Variants in CR2 observed in about 807,000 individuals in gnomAD.
CR2 encodes the protein complement C3d receptor 2.
A neutral mutation model predicts 123.0 loss-of-function variants in CR2; 96 were observed. That is an observed-to-expected ratio of 0.78 (90% CI 0.66 to 0.93). The LOEUF (loss-of-function observed/expected upper bound fraction) is 0.93, where lower values mean the gene tolerates loss of function less well. Among genes scored for constraint, CR2 ranks in the 40% least tolerant of loss-of-function variants. CR2 has a pLI of 0.00. For synonymous variants in CR2, 484 were observed against 469.5 expected, an observed-to-expected ratio of 1.03 and a Z score of -0.40; for missense variants, 1,258 against 1,361.0, an observed-to-expected ratio of 0.92 and a Z score of 1.19.
chr1:207,475,449 A>C (rs1018956642), intron 14 of CR2, among the ~76,000 whole-genome samples: 3 of 152,234 alleles, frequency 2.0e-5, no homozygotes, highest in African/African-American at 7.2e-5. Flanking sequence ...GCTAACTTCC[A>C]AATTGATAGC....
intron 1 of CR2, among the ~76,000 whole-genome samples, chr1:207,455,695 T>C (rs963204385): frequency 6.6e-6 from 1 of 152,238 alleles, no homozygotes; most frequent in African/African-American, 2.4e-5. Flanking sequence ...TTTGAACAAA[T>C]GTATATTCAC....
chr1:207,468,935 T>G, intron 4 of CR2, 36 bp downstream of exon 4: 1 of 1,603,738 alleles, frequency 6.2e-7, no homozygotes, highest in Non-Finnish European at 8.5e-7. Context: ...TTTAATTCAT[T>G]TGTCTTGTGT....
rs1658219985 is a variant in CR2, at chr1:207,469,990, T to G, written c.1113T>G (p.Tyr371Ter). Residue 371 changes from tyrosine (Y) to a stop codon, truncating the protein, a stop_gained, in exon 6 of 20, where the codon TAT becomes TAG. Coordinates refer to ENST00000367057, the MANE Select transcript of CR2 (RefSeq NM_001006658.3). LOFTEE classifies it high-confidence loss of function. ...CTGGGCAGAAAGATCGATATACCTA[T>G]AACGACACTGTGATATTTGCTTGCA... is the stretch of plus-strand genomic sequence containing the variant. ...MVSGQKDRYTYNDTVIFACMF... is the reference protein window; with the variant it reads ...MVSGQKDRYT 6.2e-7 allele frequency: 1 copy of G among 1,613,836 alleles called. No homozygotes were observed. Among genetic ancestry groups the G allele is most frequent in the African/African-American group, 1.3e-5 (1 of 74,866 alleles).
At chr1:207,460,939 A>C in intron 1 of CR2, among the ~76,000 whole-genome samples, 1 of 152,254 alleles carries the variant, frequency 6.6e-6, no homozygotes, top group Admixed American at 6.5e-5. Flanking sequence ...TTAACGGTTT[A>C]ATAGCTAAGA....
Position 207,472,767 on chromosome 1 carries a change from TC to T in CR2, c.1571-4del, listed in dbSNP as rs1357019803. On this transcript the variant is annotated splice_region_variant and splice_polypyrimidine_tract_variant and intron_variant, in intron 9 of 19. Coordinates refer to ENST00000367057, the MANE Select transcript of CR2 (RefSeq NM_001006658.3). ...CAATTCTACAGTATCTTTTCATCTC[TC>T]TAGAAATCACCTGCCCACCACCCCC... The T allele has an allele frequency of 1.2e-6, 2 of 1,613,332 alleles. No homozygotes were observed. The highest frequency in any genetic ancestry group is 2.7e-5 in the African/African-American group (2 of 74,884).
intron 18 of CR2, among the ~76,000 whole-genome samples, chr1:207,484,844 T>C (rs1658705827): frequency 6.6e-6 from 1 of 152,174 alleles, no homozygotes; most frequent in Non-Finnish European, 1.5e-5. Flanking sequence ...GACTAGAACA[T>C]TGAGTCCCAA....
At chr1:207,467,581 T>A (rs1302772993) in intron 2 of CR2, among the ~76,000 whole-genome samples, 1 of 152,208 alleles carries the variant, frequency 6.6e-6, no homozygotes, top group Non-Finnish European at 1.5e-5. Flanking sequence ...TCAAATTAGG[T>A]ATTTTCTTAA....
rs201706476 is a variant in CR2 at position 207,472,764 on chromosome 1, C to A, written c.1571-8C>A. 4.6e-5 allele frequency: 74 copies of A among 1,612,958 alleles called. No individual in the cohort carries two copies. The East Asian group carries it at 1.6e-3, about 35-fold the overall frequency. On this transcript the variant is annotated splice_polypyrimidine_tract_variant and splice_region_variant and intron_variant, in intron 9 of 19. Transcript: ENST00000367057. ...ACTCAATTCTACAGTATCTTTTCAT[C>A]TCTCTAGAAATCACCTGCCCACCAC...
At chr1:207,470,610 A>G (rs1225035784) in intron 6 of CR2, 130 bp from the exon 7 acceptor site, 2 of 862,460 alleles carry the variant, frequency 2.3e-6, no homozygotes, top group South Asian at 1.5e-5. Context: ...GCTGGTCTGC[A>G]ACATATGTTC....
chr1:207,467,390 C>T (rs1384436153), intron 2 of CR2, among the ~76,000 whole-genome samples: 1 of 152,096 alleles, frequency 6.6e-6, no homozygotes, highest in Non-Finnish European at 1.5e-5. Flanking sequence ...AAGTTATCCA[C>T]TATTTCCCCA....
At chr1:207,468,189 C>T in intron 2 of CR2, 1 of 356,236 alleles carries the variant, frequency 2.8e-6, no homozygotes, top group Non-Finnish European at 5.3e-6. Context: ...AACTGGCTAC[C>T]ATAGATCATG....
At chr1:207,473,342 C>A (rs1658342961) in intron 10 of CR2, among the ~76,000 whole-genome samples, 163 bp downstream of exon 10, 1 of 152,168 alleles carries the variant, frequency 6.6e-6, no homozygotes, top group Admixed American at 6.5e-5. Context: ...TGTGTGCATG[C>A]AAATGCCCCC....
chr1:207,477,931 G>T lies in CR2; in HGVS notation c.2949G>T (p.Gly983=). 6.2e-7 allele frequency: 1 copy of T among 1,614,068 alleles called. No individual in the cohort carries two copies. Among genetic ancestry groups the T allele is most frequent in the Non-Finnish European group, 8.5e-7 (1 of 1,179,968 alleles). The change falls in exon 16 of 20, where the codon GGG becomes GGT. Residue 983 remains glycine, a synonymous_variant. Coordinates refer to ENST00000367057, the MANE Select transcript of CR2 (RefSeq NM_001006658.3). ...CAGATATGGATGGAATCCAGAAAGG[G>T]CTGGAACCAAGGAAAATGTATCAGT... ...SPADMDGIQK[G]LEPRKMYQYG... is the part of the protein sequence containing the mutation.
chr1:207,477,512 G>A (rs73072578), intron 15 of CR2, among the ~76,000 whole-genome samples: 38 of 152,162 alleles, frequency 2.5e-4, no homozygotes, highest in African/African-American at 7.9e-4. Context: ...GAGAAAGCAC[G>A]CACATGTATG....
rs1658223364 is a variant in CR2 at position 207,470,062 on chromosome 1, C to G, written c.1185C>G (p.Ala395=). The G allele has an allele frequency of 6.2e-7, 1 of 1,613,784 alleles. No homozygotes were observed. The highest frequency in any genetic ancestry group is 1.3e-5 in the African/African-American group (1 of 74,898). The change falls in exon 6 of 20, where the codon GCC becomes GCG. Residue 395 remains alanine (A), a synonymous_variant. Coordinates refer to ENST00000367057, the MANE Select transcript of CR2 (RefSeq NM_001006658.3). ...GCAGCAAGCAAATCCGATGCAATGC[C>G]CAAGGCACATGGGAGCCATCTGCAC... ...LKGSKQIRCN[A]QGTWEPSAPV...
Position 207,466,488 on chromosome 1 carries a change from G to A in CR2, c.59-38G>A, listed in dbSNP as rs1248129505. 13 of 1,612,020 alleles carry A rather than the reference G, an allele frequency of 8.1e-6. No individual in the cohort carries two copies. In the South Asian group the frequency reaches 8.8e-5, roughly 11 times the overall value. ...CTACATTTGAATATTTTCTCACCAT[G>A]ATCAGTATGCCTACCAAGTTCCTTT... is the stretch of plus-strand genomic sequence containing the variant. On this transcript the variant is annotated intron_variant, in intron 1 of 19. Transcript: ENST00000367057.
At chr1:207,457,532 TACTC>T (rs1395760242) in intron 1 of CR2, among the ~76,000 whole-genome samples, 2 of 152,182 alleles carry the variant, frequency 1.3e-5, no homozygotes, top group East Asian at 3.8e-4. Context: ...ATTGACTACT[TACTC>T]AAATTTCGTT....
intron 19 of CR2, among the ~76,000 whole-genome samples, chr1:207,486,697 T>C (rs907142572): frequency 1.3e-5 from 2 of 152,356 alleles, no homozygotes; most frequent in East Asian, 3.9e-4. Flanking sequence ...AGATTCTGCA[T>C]GCAATTTTAA....
intron 19 of CR2, among the ~76,000 whole-genome samples, chr1:207,487,440 C>A (rs1658780928): frequency 6.6e-6 from 1 of 152,122 alleles, no homozygotes; most frequent in Non-Finnish European, 1.5e-5. Context: ...GCAAGCAGCA[C>A]AAAATTTGCT....
Sources: gnomAD v4.1 joint callset for allele counts (sites outside exome capture counted in the v4.1 genomes callset) on GRCh38, gnomAD v4.1.1 for gene constraint, MANE v1.5 for transcripts, NCBI Gene and HGNC (gene_info 2026-07-23, HGNC 2026-07-21) for gene names.